PIWIL3: variants seen among roughly 807,000 people sequenced by gnomAD.
The protein encoded by PIWIL3 is piwi like RNA-mediated gene silencing 3.
A neutral mutation model predicts 109.7 loss-of-function variants in PIWIL3; 101 were observed. The ratio of observed to expected loss-of-function variants is 0.92; its 90% confidence interval spans 0.78 to 1.09. PIWIL3 has a LOEUF of 1.09. Among genes scored for constraint, PIWIL3 ranks in the 50% least tolerant of loss-of-function variants. The pLI is 0.00. For synonymous variants in PIWIL3, 373 were observed against 376.4 expected, an observed-to-expected ratio of 0.99 and a Z score of 0.10; for missense variants, 1,031 against 1,072.6, an observed-to-expected ratio of 0.96 and a Z score of 0.54.
intron 19 of PIWIL3, among the ~76,000 whole-genome samples, chr22:24,721,971 T>C (rs568120099): frequency 6.6e-6 from 1 of 152,388 alleles, no homozygotes; most frequent in Admixed American, 6.5e-5. Context: ...TTTTGTAGCA[T>C]ATTCAGTATT....
chr22:24,749,469 T>G lies in PIWIL3; in HGVS notation c.1269A>C (p.Lys423Asn). 6.2e-7 allele frequency: 1 copy of G among 1,613,822 alleles called. No individual in the cohort carries two copies. Among genetic ancestry groups the G allele is most frequent in the Non-Finnish European group, 8.5e-7 (1 of 1,180,002 alleles). ...TTCTTCTTGGACTCAATCTTGTATGTTTAGCCAATTCTTTCACAATGCTAT... is the reference window on the plus strand; with the variant it reads ...TTCTTCTTGGACTCAATCTTGTATGGTTAGCCAATTCTTTCACAATGCTAT... ...KDYSIVKELA[K>N]HTRLSPRRRH... The change falls in exon 11 of 21, where the codon AAA becomes AAC. Residue 423 changes from lysine (K) to asparagine (N), a missense_variant. Coordinates refer to ENST00000616349, the MANE Select transcript of PIWIL3 (RefSeq NM_001255975.1).
rs1198312622 is a variant in PIWIL3, at chr22:24,754,764, A to G, written c.773+20T>C. On this transcript the variant is annotated intron_variant, in intron 7 of 20. Transcript: ENST00000616349. ...TACGTTTAAGTCTGCAGAGTGTGAA[A>G]TTTTCTACTTTATACAAACCCATGA... is the stretch of plus-strand genomic sequence containing the variant. 1.9e-6 allele frequency: 3 copies of G among 1,564,130 alleles called. No homozygotes were observed. Among genetic ancestry groups the G allele is most frequent in the East Asian group, 2.2e-5 (1 of 44,580 alleles).
At chr22:24,773,297 T>C (rs1926230035) in intron 1 of PIWIL3, among the ~76,000 whole-genome samples, 1 of 152,204 alleles carries the variant, frequency 6.6e-6, no homozygotes, top group Non-Finnish European at 1.5e-5. Flanking sequence ...CCTTCCTGCA[T>C]GCCCTGCACA....
Position 24,755,913 on chromosome 22 carries a change from TAAAAAAAAACAA to T in PIWIL3, c.571-20_571-9del. 6.5e-7 allele frequency: 1 copy of T among 1,537,282 alleles called. No individual in the cohort carries two copies. ...GCTCAACCATTCCACTCTCTGAGAT[TAAAAAAAAACAA>T]AAAAAAAAGTCCAGATATTCTTCCA... is the stretch of plus-strand genomic sequence containing the variant. On this transcript the variant is annotated splice_polypyrimidine_tract_variant and intron_variant, in intron 5 of 20. Coordinates refer to ENST00000616349, the MANE Select transcript of PIWIL3 (RefSeq NM_001255975.1).
At chr22:24,723,560 G>C (rs1019127269) in intron 18 of PIWIL3, among the ~76,000 whole-genome samples, 14 of 152,190 alleles carry the variant, frequency 9.2e-5, no homozygotes, top group African/African-American at 3.4e-4. Flanking sequence ...GAGTTTTATA[G>C]GTTTTGTAAG....
intron 1 of PIWIL3, among the ~76,000 whole-genome samples, chr22:24,771,478 A>T (rs1389220958): frequency 2.2e-5 from 1 of 45,582 alleles, no homozygotes; most frequent in Non-Finnish European, 5.0e-5. Flanking sequence ...CTCCATCTCA[A>T]AAAAAAAAAA....
chr22:24,768,242 GTT>G (rs946130597), intron 1 of PIWIL3, among the ~76,000 whole-genome samples: 199 of 151,222 alleles, frequency 1.3e-3, no homozygotes, highest in African/African-American at 4.6e-3. Context: ...TGTTGTTGTT[GTT>G]TGTTTTTTGT....
At chr22:24,755,059 C>G (rs17662654) in intron 6 of PIWIL3, among the ~76,000 whole-genome samples, 195 bp from the exon 7 acceptor site, 7,275 of 152,278 alleles carry the variant, frequency 0.048, 263 homozygotes, top group South Asian at 0.12. Flanking sequence ...TCCTTATAAA[C>G]ATAATATTGT....
chr22:24,728,148 T>C (rs1256681098), intron 15 of PIWIL3, 29 bp downstream of exon 15: 4 of 1,611,186 alleles, frequency 2.5e-6, no homozygotes, highest in Non-Finnish European at 3.4e-6. Context: ...TAGAAGTAAG[T>C]TAAACGAAGT....
chr22:24,759,895 C>A lies in PIWIL3; in HGVS notation c.197G>T (p.Gly66Val), dbSNP rs559892561. 3.7e-6 allele frequency: 6 copies of A among 1,602,328 alleles called. No homozygotes were observed. The South Asian group carries it at 4.4e-5, about 12-fold the overall frequency. Residue 66 changes from glycine (G) to valine (V), a missense_variant, in exon 3 of 21, where the codon GGA (glycine) becomes GTA (valine). Physicochemically the swap from Gly to Val is moderately radical, Grantham distance 109. Transcript: ENST00000616349. Reference protein sequence around the residue: ...RPLQPRAARGGAGGGAQSQGV... With the variant: ...RPLQPRAARGVAGGGAQSQGV... The stretch of plus-strand genomic sequence containing the variant: ...TTGAGACTGTGCTCCTCCTCCTGCT[C>A]CTCCTCTTGCTGCTCTTGGCTGCAG...
chr22:24,740,343 T>C (rs965625068), intron 12 of PIWIL3, among the ~76,000 whole-genome samples: 1 of 150,904 alleles, frequency 6.6e-6, no homozygotes, highest in East Asian at 2.0e-4. Flanking sequence ...GGTCAGGAGA[T>C]CGAGACCATC....
chr22:24,743,370 T>C (rs532817066), intron 12 of PIWIL3, among the ~76,000 whole-genome samples: 1 of 152,208 alleles, frequency 6.6e-6, no homozygotes. Context: ...AAAGTCATTA[T>C]ATGAAAAAGA....
At chr22:24,773,778 G>A (rs553308554) in intron 1 of PIWIL3, among the ~76,000 whole-genome samples, 172 of 141,764 alleles carry the variant, frequency 1.2e-3, no homozygotes, top group African/African-American at 3.9e-3. Flanking sequence ...ACAGTGGTGC[G>A]ATCTTGGCTC....
intron 12 of PIWIL3, among the ~76,000 whole-genome samples, chr22:24,747,230 G>C (rs1174212277): frequency 6.6e-6 from 1 of 151,968 alleles, no homozygotes; most frequent in Non-Finnish European, 1.5e-5. Context: ...ATTGGGGAAA[G>C]GACAGTCTCT....
chr22:24,723,801 A>G (rs1208691512), intron 18 of PIWIL3, among the ~76,000 whole-genome samples: 1 of 152,044 alleles, frequency 6.6e-6, no homozygotes, highest in Admixed American at 6.6e-5. Flanking sequence ...CAGCCTCCCA[A>G]GTAGCTGGTA....
rs923676705 is a variant in PIWIL3, at chr22:24,754,037, T to G, written c.954A>C (p.Leu318Phe). Residue 318 changes from leucine (L) to phenylalanine (F), a missense_variant, in exon 8 of 21, where the codon TTA (leucine) becomes TTC (phenylalanine). By Grantham distance (22) the Leu-to-Phe change is conservative. Coordinates refer to ENST00000616349, the MANE Select transcript of PIWIL3 (RefSeq NM_001255975.1). ...ACTTTGTCAGAACAATTGATCCAAT[T>G]AATTTATTAGTTACTTCCTCTCGGA... ...GNIREEVTNK[L>F]IGSIVLTKYN... is the part of the protein sequence containing the mutation. 1 of 1,609,550 alleles carries G rather than the reference T, an allele frequency of 6.2e-7. No individual in the cohort carries two copies.
intron 9 of PIWIL3, among the ~76,000 whole-genome samples, chr22:24,750,833 A>G (rs186889040): frequency 3.4e-5 from 5 of 148,206 alleles, no homozygotes; most frequent in African/African-American, 1.2e-4. Context: ...TTAAAAAACT[A>G]TGGTAGTAGG....
intron 11 of PIWIL3, among the ~76,000 whole-genome samples, 179 bp downstream of exon 11, chr22:24,749,225 T>C (rs544246319): frequency 2.6e-5 from 4 of 151,848 alleles, no homozygotes; most frequent in African/African-American, 7.2e-5. Context: ...ATTTCATTCT[T>C]CCCCCCCGGC....
chr22:24,740,051 CAAAAA>C (rs1198660648), intron 12 of PIWIL3, among the ~76,000 whole-genome samples: 1 of 67,670 alleles, frequency 1.5e-5, no homozygotes, highest in Non-Finnish European at 2.9e-5. Flanking sequence ...GACTCGGTCT[CAAAAA>C]AAAAAAAAAA....
Sources: allele counts gnomAD v4.1 joint callset (sites outside exome capture counted in the v4.1 genomes callset), GRCh38; gene constraint gnomAD v4.1.1; transcripts MANE v1.5; gene names NCBI Gene and HGNC (gene_info 2026-07-23, HGNC 2026-07-21).